The following NEK10 variants were observed in gnomAD, a reference collection of about 807,000 sequenced individuals.
The protein encoded by NEK10 is serine/threonine-protein kinase Nek10.
Under a neutral mutation model 159.8 loss-of-function variants are expected in NEK10, and 122 were observed. That is an observed-to-expected ratio of 0.76 (90% CI 0.66 to 0.89). NEK10 has a LOEUF of 0.89. Among genes scored for constraint, NEK10 ranks in the 40% least tolerant of loss-of-function variants. The pLI, the probability that NEK10 is intolerant of heterozygous loss-of-function variation, is 0.00. For synonymous variants in NEK10, 466 were observed against 457.1 expected (o/e 1.02, Z -0.25); for missense variants, 1,342 against 1,323.1 (o/e 1.01, Z -0.22).
At chr3:27,344,220 G>T (rs572385206) in intron 5 of NEK10, 52 bp downstream of exon 5, 5 of 835,136 alleles carry the variant, frequency 6.0e-6, no homozygotes, top group Non-Finnish European at 1.0e-5. Flanking sequence ...AGACAAGATA[G>T]ATGACATATG....
At chr3:27,319,805 G>A (rs921851159) in intron 6 of NEK10, among the ~76,000 whole-genome samples, 2 of 152,142 alleles carry the variant, frequency 1.3e-5, no homozygotes, top group Non-Finnish European at 2.9e-5. Context: ...CACTGGGATG[G>A]CCTTGGGCTT....
intron 23 of NEK10, among the ~76,000 whole-genome samples, chr3:27,248,977 A>G (rs1955381342): frequency 6.6e-6 from 1 of 152,114 alleles, no homozygotes; most frequent in Non-Finnish European, 1.5e-5. Flanking sequence ...ATTGTTGATA[A>G]TGGTTTGGCT....
chr3:27,254,754 C>T (rs1037137169), intron 23 of NEK10, among the ~76,000 whole-genome samples: 1 of 152,112 alleles, frequency 6.6e-6, no homozygotes, highest in Admixed American at 6.5e-5. Flanking sequence ...AGTACACATA[C>T]ATGAAATAAT....
chr3:27,291,626 C>T (rs770602451), intron 16 of NEK10, 40 bp from the exon 17 acceptor site: 1 of 1,113,332 alleles, frequency 9.0e-7, no homozygotes, highest in Admixed American at 1.8e-5. Context: ...AGAACTTGGA[C>T]ACAGTTGATC....
intron 31 of NEK10, among the ~76,000 whole-genome samples, chr3:27,133,150 C>A (rs1942806064): frequency 6.6e-6 from 1 of 152,168 alleles, no homozygotes; most frequent in African/African-American, 2.4e-5. Context: ...GACTGCACAG[C>A]CACAAGAAGG....
intron 26 of NEK10, among the ~76,000 whole-genome samples, chr3:27,191,440 T>C (rs1461919308): frequency 6.6e-6 from 1 of 152,218 alleles, no homozygotes; most frequent in Non-Finnish European, 1.5e-5. Flanking sequence ...AGAGCATCAC[T>C]GGCACCATTG....
chr3:27,125,682 T>A (rs1941861810), intron 32 of NEK10, among the ~76,000 whole-genome samples: 1 of 152,204 alleles, frequency 6.6e-6, no homozygotes, highest in Non-Finnish European at 1.5e-5. Flanking sequence ...CACATATGCA[T>A]GTGGACCCAT....
chr3:27,262,866 T>C (rs1479374227), intron 22 of NEK10, among the ~76,000 whole-genome samples: 1 of 152,234 alleles, frequency 6.6e-6, no homozygotes, highest in Non-Finnish European at 1.5e-5. Context: ...TTTGTTCCAT[T>C]GCTGGTGAGG....
At chr3:27,235,223 A>C (rs1051058482) in intron 23 of NEK10, among the ~76,000 whole-genome samples, 2 of 152,220 alleles carry the variant, frequency 1.3e-5, no homozygotes, top group Admixed American at 6.5e-5. Context: ...TTCATGATGA[A>C]GATGCCAAAA....
chr3:27,144,452 G>A (rs1559509923), intron 30 of NEK10, among the ~76,000 whole-genome samples: 3 of 152,190 alleles, frequency 2.0e-5, no homozygotes, highest in African/African-American at 7.2e-5. Context: ...AAGTGAAATA[G>A]CTGGACCCAA....
intron 9 of NEK10, 147 bp from the exon 10 acceptor site, chr3:27,309,152 T>TTG (rs1262738455): frequency 7.8e-6 from 4 of 513,822 alleles, no homozygotes; most frequent in Admixed American, 3.4e-5. Flanking sequence ...CTGTTTTTTT[T>TTG]TTTTGCTTAG....
chr3:27,322,628 A>G (rs919490056), intron 5 of NEK10, among the ~76,000 whole-genome samples: 1 of 152,230 alleles, frequency 6.6e-6, no homozygotes, highest in African/African-American at 2.4e-5. Flanking sequence ...AAAAAATAAT[A>G]CATTACATCA....
intron 23 of NEK10, among the ~76,000 whole-genome samples, chr3:27,254,700 T>A (rs1020772470): frequency 2.0e-5 from 3 of 152,062 alleles, no homozygotes; most frequent in African/African-American, 7.2e-5. Context: ...GACAGAAAGA[T>A]AAATGGTAGT....
At chr3:27,186,262 C>A (rs1302285660) in intron 26 of NEK10, among the ~76,000 whole-genome samples, 1 of 152,204 alleles carries the variant, frequency 6.6e-6, no homozygotes, top group Non-Finnish European at 1.5e-5. Flanking sequence ...ATTTTGTGCA[C>A]TTCTCCAGAG....
At chr3:27,193,692 C>T (rs1055501272) in intron 25 of NEK10, among the ~76,000 whole-genome samples, 2 of 147,894 alleles carry the variant, frequency 1.4e-5, no homozygotes, top group African/African-American at 5.0e-5. Context: ...TTGCCAAAAT[C>T]CCACTATTTT....
intron 13 of NEK10, among the ~76,000 whole-genome samples, chr3:27,300,935 C>T (rs1046813449): frequency 1.3e-5 from 2 of 152,178 alleles, no homozygotes; most frequent in Non-Finnish European, 2.9e-5. Flanking sequence ...AAATAGTAGA[C>T]AGCAAGGAAA....
intron 23 of NEK10, among the ~76,000 whole-genome samples, chr3:27,226,409 T>C (rs897613672): frequency 1.3e-5 from 2 of 152,106 alleles, no homozygotes; most frequent in African/African-American, 2.4e-5. Context: ...GTGGGAATAA[T>C]CTACTTATTG....
At chr3:27,342,077 C>A (rs1003710290) in intron 5 of NEK10, among the ~76,000 whole-genome samples, 5 of 151,888 alleles carry the variant, frequency 3.3e-5, no homozygotes, top group Non-Finnish European at 7.4e-5. Flanking sequence ...AATTTGAGTC[C>A]CCAGGGAGAA....
chr3:27,234,165 T>A (rs775905635), intron 23 of NEK10, among the ~76,000 whole-genome samples: 2 of 152,058 alleles, frequency 1.3e-5, no homozygotes, highest in Non-Finnish European at 2.9e-5. Flanking sequence ...TCCAATATTA[T>A]ACTAAATGGG....
Sources: gnomAD v4.1 joint callset for allele counts (sites outside exome capture counted in the v4.1 genomes callset) on GRCh38, gnomAD v4.1.1 for gene constraint, MANE v1.5 for transcripts, NCBI Gene and HGNC (gene_info 2026-07-23, HGNC 2026-07-21) for gene names.